The following CCNY variants were observed in gnomAD, a reference collection of about 807,000 sequenced individuals.
CCNY encodes cyclin Y, also known as cyclin-Y.
Under a neutral mutation model 42.8 loss-of-function variants are expected in CCNY, and 19 were observed. The observed-to-expected ratio is 0.44, with a 90% CI of 0.31 to 0.65. The LOEUF is 0.65. Ranked by LOEUF, CCNY falls within the 30% of genes least tolerant of loss-of-function variation. The pLI, the probability that CCNY is intolerant of heterozygous loss-of-function variation, is 0.07. For synonymous variants in CCNY, 165 were observed against 162.7 expected (o/e 1.01, Z -0.11); for missense variants, 370 against 437.3 (o/e 0.85, Z 1.37).
intron 3 of CCNY, among the ~76,000 whole-genome samples, 195 bp from the exon 4 acceptor site, chr10:35,516,328 T>G (rs1564442325): frequency 6.6e-6 from 1 of 152,204 alleles, no homozygotes; most frequent in Non-Finnish European, 1.5e-5. Flanking sequence ...TCCTGGTGAC[T>G]TTTATATATG....
chr10:35,450,199 G>C (rs1481811053), intron 1 of CCNY, among the ~76,000 whole-genome samples: 1 of 152,016 alleles, frequency 6.6e-6, no homozygotes, highest in Non-Finnish European at 1.5e-5. Context: ...GTGGGTGGAA[G>C]AATTTACAGG....
At chr10:35,383,830 T>C (rs1199447077) in intron 1 of CCNY, among the ~76,000 whole-genome samples, 1 of 152,108 alleles carries the variant, frequency 6.6e-6, no homozygotes, top group East Asian at 1.9e-4. Flanking sequence ...AGAAAAAAGA[T>C]TTATCAACTA....
rs112803272 is a variant in CCNY, at chr10:35,326,359, T to C, written c.-9+75733T>C. Among the ~76,000 whole-genome samples, 510 of 152,038 alleles carry C rather than the reference T, an allele frequency of 3.4e-3. 4 individuals are homozygous for C. The highest frequency in any genetic ancestry group is 0.012 in the African/African-American group (480 of 41,474). ...CAAAGTACAGCCTTGGGGAGAGGAA[T>C]GAGAAAGGAGAGGCAATGAAACGGC... On this transcript the variant is annotated intron_variant, in intron 3 of 11. Transcript: ENST00000374706.
At position 35,452,221 on chromosome 10, in the gene CCNY, G is replaced by C. The variant is rs529168502; in HGVS notation, c.155-31183G>C. Among the ~76,000 whole-genome samples, 238 of 152,294 alleles carry C rather than the reference G, an allele frequency of 1.6e-3. 1 individual carries two copies. Among genetic ancestry groups the C allele is most frequent in the Non-Finnish European group, 2.8e-3 (192 of 68,024 alleles). On this transcript the variant is annotated intron_variant, in intron 1 of 9. Transcript: ENST00000374704. ...GTGATGTTGAAGATGTCTTCAGACA[G>C]TAGTTTATACTGCATTCCACACTTG...
Position 35,350,348 on chromosome 10 carries a change from T to G in CCNY, c.154+13141T>G, listed in dbSNP as rs1457976090. Among the ~76,000 whole-genome samples, 6 of 152,264 alleles carry G rather than the reference T, an allele frequency of 3.9e-5. No homozygotes were observed. In the East Asian group the frequency reaches 1.2e-3, roughly 29 times the overall value. On this transcript the variant is annotated intron_variant, in intron 1 of 9. Coordinates refer to ENST00000374704, the MANE Select transcript of CCNY (RefSeq NM_145012.6). ...TTTTGTTTCTTATTCATTTTTCACA[T>G]TAGCTACTTCTGTATGTGTGTGTTT...
At chr10:35,309,050 G>A (rs1456931835) in intron 3 of CCNY, among the ~76,000 whole-genome samples, 1 of 152,156 alleles carries the variant, frequency 6.6e-6, no homozygotes, top group Non-Finnish European at 1.5e-5. Flanking sequence ...TGGGAATCTT[G>A]TAAACATTTG....
chr10:35,305,855 C>T (rs1391840956), intron 3 of CCNY, among the ~76,000 whole-genome samples: 1 of 152,112 alleles, frequency 6.6e-6, no homozygotes, highest in Non-Finnish European at 1.5e-5. Flanking sequence ...GATGGTGCTG[C>T]CAGTCTGACC....
At chr10:35,566,689 A>G (rs1449549649) in intron 9 of CCNY, among the ~76,000 whole-genome samples, 1 of 152,058 alleles carries the variant, frequency 6.6e-6, no homozygotes, top group East Asian at 1.9e-4. Flanking sequence ...CTTTATACTT[A>G]ATAAGCAAAG....
At chr10:35,364,830 G>A (rs1213663273) in intron 1 of CCNY, among the ~76,000 whole-genome samples, 1 of 152,098 alleles carries the variant, frequency 6.6e-6, no homozygotes, top group African/African-American at 2.4e-5. Flanking sequence ...CTTCACCAAA[G>A]CAAAGCCTGT....
At chr10:35,529,871 C>CAAAAA in intron 5 of CCNY, 102 bp from the exon 6 acceptor site, 1 of 968,992 alleles carries the variant, frequency 1.0e-6, no homozygotes, top group Non-Finnish European at 1.5e-6. Flanking sequence ...CTCCGTATCC[C>CAAAAA]AAAAAAAAAA....
intron 3 of CCNY, among the ~76,000 whole-genome samples, chr10:35,271,109 G>A (rs1835162830): frequency 6.6e-6 from 1 of 152,168 alleles, no homozygotes; most frequent in South Asian, 2.1e-4. Flanking sequence ...GTTATAACAA[G>A]TAAAAAGCTG....
At chr10:35,506,223 C>T (rs890324356) in intron 3 of CCNY, among the ~76,000 whole-genome samples, 4 of 151,922 alleles carry the variant, frequency 2.6e-5, no homozygotes, top group African/African-American at 9.7e-5. Context: ...TAAAGAAATC[C>T]AGCTTTTACT....
intron 3 of CCNY, among the ~76,000 whole-genome samples, chr10:35,296,580 G>GA (rs1314025107): frequency 2.0e-5 from 3 of 150,470 alleles, no homozygotes; most frequent in Admixed American, 6.6e-5. Context: ...GACTCTGTCA[G>GA]AAAAAAAAGA....
At position 35,302,951 on chromosome 10, in the gene CCNY, T is replaced by C. The variant is rs182920741; in HGVS notation, c.-9+52325T>C. Among the ~76,000 whole-genome samples the C allele has an allele frequency of 7.0e-3, 1,070 of 152,262 alleles. 10 individuals are homozygous for C. The highest frequency in any genetic ancestry group is 0.01 in the Middle Eastern group (3 of 294). ...TGGCTCATGCCTGTAATCCCAGCAC[T>C]TTGAGAAGCCGAGGCAGGAAGATTG... On this transcript the variant is annotated intron_variant, in intron 3 of 11. Coordinates refer to the CCNY transcript ENST00000374706.
chr10:35,546,229 A>G (rs536466194), intron 7 of CCNY, among the ~76,000 whole-genome samples: 41 of 152,358 alleles, frequency 2.7e-4, no homozygotes, highest in African/African-American at 8.4e-4. Context: ...TAACCGGCCT[A>G]GTATTACTCT....
intron 3 of CCNY, among the ~76,000 whole-genome samples, chr10:35,284,471 G>A (rs1835332070): frequency 6.6e-6 from 1 of 152,060 alleles, no homozygotes. Context: ...GATATGGAGG[G>A]ATATCCTTCC....
intron 3 of CCNY, among the ~76,000 whole-genome samples, chr10:35,275,447 G>A (rs1565060865): frequency 6.6e-6 from 1 of 151,982 alleles, no homozygotes; most frequent in Non-Finnish European, 1.5e-5. Flanking sequence ...CACTTTGCAG[G>A]TGGGGATTTT....
At chr10:35,251,875 C>T (rs1329624583) in intron 3 of CCNY, among the ~76,000 whole-genome samples, 1 of 152,158 alleles carries the variant, frequency 6.6e-6, no homozygotes, top group Non-Finnish European at 1.5e-5. Context: ...AGGCATCAGC[C>T]ACTGTGGCCA....
At chr10:35,342,930 A>G (rs1432910029) in intron 1 of CCNY, among the ~76,000 whole-genome samples, 1 of 150,126 alleles carries the variant, frequency 6.7e-6, no homozygotes, top group Non-Finnish European at 1.5e-5. Flanking sequence ...GTTTCAAGAG[A>G]TTCATAGTTA....
Sources: gnomAD v4.1 joint callset for allele counts (sites outside exome capture counted in the v4.1 genomes callset) on GRCh38, gnomAD v4.1.1 for gene constraint, MANE v1.5 for transcripts, NCBI Gene and HGNC (gene_info 2026-07-23, HGNC 2026-07-21) for gene names.